The following PTGFR variants were observed in gnomAD, a reference collection of about 807,000 sequenced individuals.
PTGFR encodes prostaglandin F2-alpha receptor.
PTGFR carries 15 observed loss-of-function variants against 26.2 expected under a neutral mutation model. That is an observed-to-expected ratio of 0.57 (90% confidence interval 0.38 to 0.88). PTGFR has a LOEUF of 0.88. Ranked by LOEUF, PTGFR falls within the 40% of genes least tolerant of loss-of-function variation. The pLI, the probability that PTGFR is intolerant of heterozygous loss-of-function variation, is 0.00. For missense variants in PTGFR, 369 were observed against 427.2 expected (o/e 0.86, Z 1.20); for synonymous variants, 165 against 151.1 (o/e 1.09, Z -0.68).
At chr1:78,501,063 G>A (rs998611568) in intron 2 of PTGFR, among the ~76,000 whole-genome samples, 5 of 151,608 alleles carry the variant, frequency 3.3e-5, no homozygotes, top group African/African-American at 1.2e-4. Context: ...ACATCGAGAC[G>A]ACACTTACAA....
rs749383695 is a variant in PTGFR, at chr1:78,536,640, G to T, written c.1033G>T (p.Ala345Ser). ...LSSIKNSLKV[A>S]AISESPVAEK... ...TTCCATTAAAAATTCCTTAAAGGTT[G>T]CTGCTATTTCTGAGTCACCAGTTGC... Residue 345 changes from alanine (A) to serine (S), a missense_variant, in exon 3 of 3, where the codon GCT becomes TCT. Transcript: ENST00000370757. 1 of 1,612,992 alleles carries T rather than the reference G, an allele frequency of 6.2e-7. No individual in the cohort carries two copies. Among genetic ancestry groups the T allele is most frequent in the South Asian group, 1.1e-5 (1 of 91,006 alleles).
chr1:78,536,580 G>A lies in PTGFR; in HGVS notation c.973G>A (p.Val325Met), dbSNP rs1650660332. 4.3e-6 allele frequency: 7 copies of A among 1,613,324 alleles called. No homozygotes were observed. Among genetic ancestry groups the A allele is most frequent in the Non-Finnish European group, 5.9e-6 (7 of 1,179,468 alleles). ...LYKLASQCCGVHVISLHIWEL... is the reference protein window; with the variant it reads ...LYKLASQCCGMHVISLHIWEL... ...TAAGCTTGCCAGTCAATGCTGTGGA[G>A]TGCATGTCATCAGCTTACATATTTG... is the stretch of plus-strand genomic sequence containing the variant. The change falls in exon 3 of 3, where the codon GTG becomes ATG. Residue 325 changes from valine (V) to methionine (M), a missense_variant. Physicochemically the swap from Val to Met is conservative, Grantham distance 21. Transcript: ENST00000370757.
chr1:78,512,708 A>G (rs1373165648), intron 2 of PTGFR, among the ~76,000 whole-genome samples: 1 of 152,080 alleles, frequency 6.6e-6, no homozygotes, highest in Non-Finnish European at 1.5e-5. Context: ...TTTCCTTCCA[A>G]ATCTCATGTT....
intron 2 of PTGFR, among the ~76,000 whole-genome samples, chr1:78,503,465 T>C (rs1570274810): frequency 6.6e-6 from 1 of 152,260 alleles, no homozygotes; most frequent in Non-Finnish European, 1.5e-5. Context: ...TTCATTTACG[T>C]TTTCATTTAC....
chr1:78,503,394 G>A (rs529756755), intron 2 of PTGFR, among the ~76,000 whole-genome samples: 1 of 152,014 alleles, frequency 6.6e-6, no homozygotes, highest in South Asian at 2.1e-4. Context: ...TAGAAATAAA[G>A]AAAAACAATT....
At position 78,491,091 on chromosome 1, in the gene PTGFR, G is replaced by A. The variant is rs1649380544; in HGVS notation, c.-218G>A. 1 of 152,250 alleles carries A rather than the reference G, an allele frequency of 6.6e-6. No homozygotes were observed. Among genetic ancestry groups the A allele is most frequent in the Admixed American group, 6.5e-5 (1 of 15,292 alleles). 9.4% of individuals were successfully genotyped at this position (152,250 alleles called of 1,614,324 possible). A position where few individuals can be genotyped will look rare whatever the true frequency, so the allele number is the denominator to read the frequency against. On this transcript the variant is annotated 5_prime_UTR_variant, in exon 1 of 3. Coordinates refer to ENST00000370757, the MANE Select transcript of PTGFR (RefSeq NM_000959.4). ...GAACGAGTGCGCGGAGGGGACGAGC[G>A]GCTGGACCACAGCCGGCGCCCGATC...
Position 78,492,922 on chromosome 1 carries a change from A to G in PTGFR, c.179A>G (p.Gln60Arg), listed in dbSNP as rs756700200. Residue 60 changes from glutamine to arginine, a missense_variant, in exon 2 of 3, where the codon CAG becomes CGG. Gln to Arg is a conservative substitution (Grantham distance 43, BLOSUM62 1). Coordinates refer to ENST00000370757, the MANE Select transcript of PTGFR (RefSeq NM_000959.4). ...ATGAAGGCATATCAGAGATTTAGAC[A>G]GAAGTCCAAGGCATCGTTTCTGCTT... The part of the protein sequence containing the change: ...ILMKAYQRFR[Q>R]KSKASFLLLA... 5.6e-6 allele frequency: 9 copies of G among 1,614,140 alleles called. No homozygotes were observed. Among genetic ancestry groups the G allele is most frequent in the Admixed American group, 5.0e-5 (3 of 60,006 alleles).
rs770128854 is a variant in PTGFR, at chr1:78,540,260, A to G, written c.*3573A>G. On this transcript the variant is annotated 3_prime_UTR_variant, in exon 3 of 3. Transcript: ENST00000370757. The stretch of plus-strand genomic sequence containing the variant: ...ATTTGCATACACTTCTCCAGCTAAC[A>G]TAAATAATGTGGCTTTACTAACTTC... Among the ~76,000 whole-genome samples the G allele has an allele frequency of 7.2e-5, 11 of 152,132 alleles. No individual in the cohort carries two copies. The highest frequency in any genetic ancestry group is 1.3e-4 in the Non-Finnish European group (9 of 68,004).
Position 78,493,673 on chromosome 1 carries a change from C to T in PTGFR, c.798+132C>T, listed in dbSNP as rs1649473637. On this transcript the variant is annotated intron_variant, in intron 2 of 2. Coordinates refer to ENST00000370757, the MANE Select transcript of PTGFR (RefSeq NM_000959.4). Reference sequence around the variant, plus strand: ...AATTTATTTCAGCACTCAGCTCTGGCTTAGAATTACATGACATATGACACA... The same window carrying T: ...AATTTATTTCAGCACTCAGCTCTGGTTTAGAATTACATGACATATGACACA... The T allele has an allele frequency of 1.5e-5, 13 of 864,568 alleles. No homozygotes were observed. In the South Asian group the frequency reaches 2.7e-4, roughly 18 times the overall value. The allele number at this position is 864,568 out of a possible 1,614,324, so 53.6% of individuals were successfully genotyped here. A position where few individuals can be genotyped will look rare whatever the true frequency, so the allele number is the denominator to read the frequency against.
At chr1:78,525,642 G>A (rs996884532) in intron 2 of PTGFR, among the ~76,000 whole-genome samples, 1 of 152,008 alleles carries the variant, frequency 6.6e-6, no homozygotes, top group African/African-American at 2.4e-5. Flanking sequence ...TCTCTAGAAG[G>A]TCAGGCTGAT....
intron 2 of PTGFR, among the ~76,000 whole-genome samples, chr1:78,509,767 A>G (rs1273387957): frequency 1.3e-5 from 2 of 152,194 alleles, no homozygotes; most frequent in African/African-American, 2.4e-5. Context: ...CATAATATAA[A>G]TGCTAGCCTG....
rs1362619760 is a variant in PTGFR at position 78,540,262 on chromosome 1, A to T, written c.*3575A>T. Among the ~76,000 whole-genome samples the T allele has an allele frequency of 2.0e-5, 3 of 152,242 alleles. No homozygotes were observed. In the East Asian group the frequency reaches 5.8e-4, roughly 29 times the overall value. On this transcript the variant is annotated 3_prime_UTR_variant, in exon 3 of 3. Coordinates refer to ENST00000370757, the MANE Select transcript of PTGFR (RefSeq NM_000959.4). ...TTGCATACACTTCTCCAGCTAACAT[A>T]AATAATGTGGCTTTACTAACTTCCC...
At chr1:78,497,356 CT>C (rs1451404691) in intron 2 of PTGFR, among the ~76,000 whole-genome samples, 1 of 152,066 alleles carries the variant, frequency 6.6e-6, no homozygotes, top group Non-Finnish European at 1.5e-5. Flanking sequence ...CAAGTTAATT[CT>C]AAACATCTTT....
intron 2 of PTGFR, among the ~76,000 whole-genome samples, chr1:78,504,918 T>C (rs1285142791): frequency 2.0e-5 from 3 of 152,118 alleles, no homozygotes; most frequent in African/African-American, 7.2e-5. Flanking sequence ...TATGTACAAT[T>C]AGTATTAGCT....
intron 2 of PTGFR, among the ~76,000 whole-genome samples, chr1:78,528,294 C>CAAAAAAAAAAAAA (rs35137595): frequency 2.5e-4 from 5 of 20,120 alleles, no homozygotes; most frequent in Non-Finnish European, 3.1e-4. Flanking sequence ...AGAAAGTTAG[C>CAAAAAAAAAAAAA]AAAAAAAAAA....
chr1:78,529,244 T>C (rs590309), intron 2 of PTGFR, among the ~76,000 whole-genome samples: 51,609 of 152,046 alleles, frequency 0.34, 9,327 homozygotes, highest in African/African-American at 0.47. Context: ...ACGTTGCCAG[T>C]GGTCAAATAA....
In PTGFR at chr1:78,538,551, G is replaced by A. The variant is rs991754648; in HGVS notation, c.*1864G>A. 3 of 150,462 alleles carry A rather than the reference G, an allele frequency of 2.0e-5. No homozygotes were observed. The highest frequency in any genetic ancestry group is 7.3e-5 in the African/African-American group (3 of 40,984). 9.3% of individuals were successfully genotyped at this position (150,462 alleles called of 1,614,324 possible). A position where few individuals can be genotyped will look rare whatever the true frequency, so the allele number is the denominator to read the frequency against. On this transcript the variant is annotated 3_prime_UTR_variant, in exon 3 of 3. Transcript: ENST00000370757. ...AAAAATTAAAAAAAAAAAAAGGAAT[G>A]TGTTTTCATTGTTTTAAGTTTTTCT... is the stretch of plus-strand genomic sequence containing the variant.
intron 2 of PTGFR, among the ~76,000 whole-genome samples, chr1:78,526,730 A>T (rs1009631969): frequency 3.3e-5 from 5 of 152,108 alleles, no homozygotes; most frequent in Non-Finnish European, 5.9e-5. Flanking sequence ...AATACTCAAG[A>T]CAGACACTGA....
Position 78,524,176 on chromosome 1 carries a change from C to A in PTGFR, c.799-12230C>A, listed in dbSNP as rs138948486. Among the ~76,000 whole-genome samples, 7 of 151,928 alleles carry A rather than the reference C, an allele frequency of 4.6e-5. No homozygotes were observed. The East Asian group carries it at 1.2e-3, about 25-fold the overall frequency. ...GAGGGCACTTGTTCAAGGGTGTGAA[C>A]CTGTCCCTGTATGCATCCTTCCTCT... On this transcript the variant is annotated intron_variant, in intron 2 of 2. Transcript: ENST00000370757.
Sources: gnomAD v4.1 joint callset for allele counts (sites outside exome capture counted in the v4.1 genomes callset) on GRCh38, gnomAD v4.1.1 for gene constraint, MANE v1.5 for transcripts, NCBI Gene and HGNC (gene_info 2026-07-23, HGNC 2026-07-21) for gene names.